PAPOLA: variants seen among roughly 807,000 people sequenced by gnomAD.
The protein encoded by PAPOLA is poly(A) polymerase alpha.
In PAPOLA, 15 loss-of-function variants were observed where a neutral mutation model predicts 100.6. The observed-to-expected ratio is 0.15, with a 90% CI of 0.10 to 0.23. The LOEUF (loss-of-function observed/expected upper bound fraction) is 0.23. Among genes scored for constraint, PAPOLA ranks in the 10% least tolerant of loss-of-function variants. The probability of loss-of-function intolerance (pLI) is 1.00; values close to 1 mark genes in which losing one functional copy is unlikely to be tolerated. For synonymous variants in PAPOLA, 293 were observed against 300.0 expected (o/e 0.98, Z 0.24); for missense variants, 533 against 884.2 (o/e 0.60, Z 5.04).
intron 7 of PAPOLA, 78 bp downstream of exon 7, chr14:96,531,664 A>C (rs1266563212): frequency 6.5e-7 from 1 of 1,543,216 alleles, no homozygotes; most frequent in Non-Finnish European, 8.7e-7. Flanking sequence ...TTTTGTATTG[A>C]AGCTTTTTAT....
chr14:96,512,406 G>T (rs1232239790), intron 1 of PAPOLA, among the ~76,000 whole-genome samples: 1 of 152,102 alleles, frequency 6.6e-6, no homozygotes, highest in Non-Finnish European at 1.5e-5. Flanking sequence ...TTATCTATAT[G>T]ACTACATATT....
At chr14:96,521,773 G>T (rs532943279) in intron 3 of PAPOLA, among the ~76,000 whole-genome samples, 9 of 151,430 alleles carry the variant, frequency 5.9e-5, no homozygotes, top group African/African-American at 2.2e-4. Flanking sequence ...GCCGCTGCCC[G>T]GCCTATTTAG....
intron 10 of PAPOLA, chr14:96,534,898 ATTT>A (rs892980183): frequency 9.7e-7 from 1 of 1,029,824 alleles, no homozygotes; most frequent in African/African-American, 1.7e-5. Context: ...AAATCCCTGT[ATTT>A]TTTATTTTAT....
At chr14:96,549,139 C>T (rs192160770) in intron 16 of PAPOLA, among the ~76,000 whole-genome samples, 1 of 152,150 alleles carries the variant, frequency 6.6e-6, no homozygotes, top group East Asian at 1.9e-4. Context: ...AATAAATGCT[C>T]ATATTGGCTT....
intron 10 of PAPOLA, chr14:96,535,589 A>G: frequency 9.5e-7 from 1 of 1,051,954 alleles, no homozygotes; most frequent in Non-Finnish European, 1.1e-6. Context: ...AAGAAAAACT[A>G]AACATCAATA....
At chr14:96,528,402 TC>T (rs1478628401) in intron 6 of PAPOLA, among the ~76,000 whole-genome samples, 1 of 152,226 alleles carries the variant, frequency 6.6e-6, no homozygotes, top group African/African-American at 2.4e-5. Context: ...TGAAATATCT[TC>T]CGATAGGGGA....
chr14:96,535,785 A>G (rs1899472013), intron 10 of PAPOLA, 94 bp from the exon 11 acceptor site: 3 of 1,106,810 alleles, frequency 2.7e-6, no homozygotes, highest in South Asian at 3.2e-5. Context: ...GAAATAAAAA[A>G]TAGAATCATT....
At chr14:96,549,994 A>T (rs1009124083) in intron 16 of PAPOLA, among the ~76,000 whole-genome samples, 3 of 152,164 alleles carry the variant, frequency 2.0e-5, no homozygotes, top group Non-Finnish European at 4.4e-5. Context: ...CTCTAAAAAA[A>T]AATTTTTTTG....
Position 96,542,756 on chromosome 14 carries a change from T to C in PAPOLA, c.1170-18T>C. 1 of 1,585,148 alleles carries C rather than the reference T, an allele frequency of 6.3e-7. No homozygotes were observed. Among genetic ancestry groups the C allele is most frequent in the Non-Finnish European group, 8.5e-7 (1 of 1,172,826 alleles). ...GTTAACCAAAACTTTTTGTTAATAC[T>C]AAGTGACATTTGTTCAGGGTGGGCT... On this transcript the variant is annotated intron_variant, in intron 13 of 21. Transcript: ENST00000216277.
At chr14:96,533,033 G>GTTT in intron 9 of PAPOLA, 2 of 903,368 alleles carry the variant, frequency 2.2e-6, no homozygotes, top group Non-Finnish European at 1.3e-6. Flanking sequence ...TCTTGTGATT[G>GTTT]TTTTTTTTTT....
At chr14:96,504,094 TGTG>T (rs1479853750) in intron 1 of PAPOLA, among the ~76,000 whole-genome samples, 2 of 152,252 alleles carry the variant, frequency 1.3e-5, no homozygotes. Context: ...GCAAGATTGT[TGTG>T]GTGTTTCTCA....
intron 6 of PAPOLA, among the ~76,000 whole-genome samples, chr14:96,528,475 T>TGC (rs1343700667): frequency 1.3e-5 from 2 of 152,232 alleles, no homozygotes; most frequent in African/African-American, 4.8e-5. Flanking sequence ...TCGGTGTGTG[T>TGC]AATTAAAGTG....
At chr14:96,526,594 CCAGAGTGCTGGGATTA>C (rs1898504111) in intron 4 of PAPOLA, 1 of 153,496 alleles carries the variant, frequency 6.5e-6, no homozygotes, top group South Asian at 2.1e-4. Flanking sequence ...CCTCGGCCTC[CCAGAGTGCTGGGATTA>C]CAGGCATGAG....
intron 17 of PAPOLA, among the ~76,000 whole-genome samples, chr14:96,553,761 C>T (rs962418493): frequency 6.6e-6 from 1 of 152,142 alleles, no homozygotes; most frequent in Non-Finnish European, 1.5e-5. Flanking sequence ...ATCTGCCCAC[C>T]CTGGCCTCCC....
At chr14:96,556,747 T>C (rs1322505466) in intron 19 of PAPOLA, among the ~76,000 whole-genome samples, 5 of 152,234 alleles carry the variant, frequency 3.3e-5, no homozygotes, top group Non-Finnish European at 7.3e-5. Flanking sequence ...TTTGTACTGA[T>C]TTTTTGATGG....
intron 20 of PAPOLA, among the ~76,000 whole-genome samples, chr14:96,562,082 T>G (rs1275096249): frequency 2.0e-5 from 3 of 151,846 alleles, no homozygotes; most frequent in Non-Finnish European, 4.4e-5. Flanking sequence ...TTAGTAGAGA[T>G]GGGGTTTCAC....
chr14:96,538,634 A>C (rs926635801), intron 12 of PAPOLA, among the ~76,000 whole-genome samples: 3 of 152,012 alleles, frequency 2.0e-5, no homozygotes, highest in African/African-American at 7.2e-5. Context: ...TCTTGTGAAA[A>C]CTTTTAAAAT....
At chr14:96,537,273 T>G in intron 12 of PAPOLA, 1 of 534,566 alleles carries the variant, frequency 1.9e-6, no homozygotes. Context: ...CTAACTGAAC[T>G]CCTGCTACAT....
At chr14:96,530,591 G>A (rs946438353) in intron 6 of PAPOLA, among the ~76,000 whole-genome samples, 9 of 151,862 alleles carry the variant, frequency 5.9e-5, no homozygotes, top group Non-Finnish European at 1.2e-4. Flanking sequence ...GTCTCACTAT[G>A]TTGTCCAGGC....
Sources: gnomAD v4.1 joint callset for allele counts (sites outside exome capture counted in the v4.1 genomes callset) on GRCh38, gnomAD v4.1.1 for gene constraint, MANE v1.5 for transcripts, NCBI Gene and HGNC (gene_info 2026-07-23, HGNC 2026-07-21) for gene names.